CADPS2: variants seen among roughly 807,000 people sequenced by gnomAD.
The protein encoded by CADPS2 is calcium-dependent secretion activator 2.
CADPS2 carries 93 observed loss-of-function variants against 172.5 expected under a neutral mutation model. The ratio of observed to expected loss-of-function variants is 0.54; its 90% confidence interval spans 0.46 to 0.64. CADPS2 has a LOEUF of 0.64. Among genes scored for constraint, CADPS2 ranks in the 30% least tolerant of loss-of-function variants. The pLI is 0.00. For missense variants in CADPS2, 1,420 were observed against 1,565.9 expected (o/e 0.91, Z 1.57); for synonymous variants, 546 against 555.2 (o/e 0.98, Z 0.23).
intron 2 of CADPS2, among the ~76,000 whole-genome samples, chr7:122,713,293 C>T (rs570790730): frequency 1.4e-5 from 1 of 69,824 alleles, no homozygotes; most frequent in African/African-American, 5.5e-5. Context: ...AGCCAGACTG[C>T]CTGAGTTTAA....
chr7:122,487,905 A>G (rs1381264882), intron 11 of CADPS2, among the ~76,000 whole-genome samples: 1 of 152,220 alleles, frequency 6.6e-6, no homozygotes, highest in Non-Finnish European at 1.5e-5. Flanking sequence ...ACATGGATAA[A>G]TTTTAAAAAC....
chr7:122,841,395 T>A (rs1034090806), intron 1 of CADPS2, among the ~76,000 whole-genome samples: 1 of 152,186 alleles, frequency 6.6e-6, no homozygotes. Context: ...GTTTAACATA[T>A]GCTAAATTAG....
At chr7:122,772,759 T>A (rs767107212) in intron 1 of CADPS2, among the ~76,000 whole-genome samples, 6 of 152,266 alleles carry the variant, frequency 3.9e-5, no homozygotes, top group Non-Finnish European at 8.8e-5. Flanking sequence ...TGATGTCAGT[T>A]CTCAAATCCA....
At chr7:122,730,562 C>A (rs1392065514) in intron 2 of CADPS2, among the ~76,000 whole-genome samples, 1 of 151,598 alleles carries the variant, frequency 6.6e-6, no homozygotes, top group African/African-American at 2.4e-5. Flanking sequence ...TACAAGCACA[C>A]AATGATTTAT....
chr7:122,656,430 A>G (rs1020257085), intron 3 of CADPS2, among the ~76,000 whole-genome samples: 7 of 152,104 alleles, frequency 4.6e-5, no homozygotes, highest in African/African-American at 1.7e-4. Flanking sequence ...AAAAGCAAAA[A>G]CAAAAAACAG....
At chr7:122,570,747 A>C (rs1346077480) in intron 7 of CADPS2, among the ~76,000 whole-genome samples, 1 of 151,986 alleles carries the variant, frequency 6.6e-6, no homozygotes, top group African/African-American at 2.4e-5. Context: ...CATGGATGAA[A>C]TTGGAAATCA....
At chr7:122,412,037 C>G (rs1049530189) in intron 19 of CADPS2, among the ~76,000 whole-genome samples, 1 of 152,196 alleles carries the variant, frequency 6.6e-6, no homozygotes, top group African/African-American at 2.4e-5. Flanking sequence ...GTAGAGCATT[C>G]ATGCTCATGC....
intron 9 of CADPS2, among the ~76,000 whole-genome samples, chr7:122,508,627 G>C (rs2130727871): frequency 6.6e-6 from 1 of 151,636 alleles, no homozygotes; most frequent in South Asian, 2.1e-4. Context: ...ATGGCACCTA[G>C]CCTTAGGTAG....
At chr7:122,863,606 T>G (rs898022870) in intron 1 of CADPS2, among the ~76,000 whole-genome samples, 8 of 152,038 alleles carry the variant, frequency 5.3e-5, no homozygotes, top group Non-Finnish European at 7.4e-5. Flanking sequence ...AAAAATAAAG[T>G]TAAAATTACA....
rs534469581 is a variant in CADPS2 at position 122,663,315 on chromosome 7, C to T, written c.708G>A (p.Lys236=). 2.7e-4 allele frequency: 434 copies of T among 1,613,902 alleles called. 3 individuals carry two copies. The South Asian group carries it at 4.5e-3, about 17-fold the overall frequency. Residue 236 remains lysine, a synonymous_variant, in exon 3 of 30, where the codon AAG becomes AAA. Transcript: ENST00000449022. The stretch of plus-strand genomic sequence containing the variant: ...GCTGAAACATTTCATAGAGTTGTTC[C>T]TTGCTCAGAATAAGTTCAGACACTG... The part of the protein sequence containing the change: ...LSAVSELILS[K]EQLYEMFQQI...
At chr7:122,492,088 C>T (rs1249852055) in intron 9 of CADPS2, among the ~76,000 whole-genome samples, 1 of 152,030 alleles carries the variant, frequency 6.6e-6, no homozygotes, top group African/African-American at 2.4e-5. Context: ...AGAAGAATTG[C>T]TTGAACCTGG....
intron 1 of CADPS2, among the ~76,000 whole-genome samples, chr7:122,884,766 T>C (rs1823863352): frequency 6.6e-6 from 1 of 152,262 alleles, no homozygotes; most frequent in African/African-American, 2.4e-5. Context: ...CTTATACACC[T>C]ATGAAACCAC....
chr7:122,446,398 G>A (rs186467307), intron 15 of CADPS2, among the ~76,000 whole-genome samples: 155 of 152,148 alleles, frequency 1.0e-3, no homozygotes, highest in African/African-American at 3.7e-3. Flanking sequence ...TGGCCTATTT[G>A]AATCTTGATT....
chr7:122,477,269 T>G (rs901838055), intron 12 of CADPS2, among the ~76,000 whole-genome samples: 5 of 152,082 alleles, frequency 3.3e-5, no homozygotes, highest in Non-Finnish European at 5.9e-5. Context: ...TCCCAGCACT[T>G]TGGGAGGCCG....
intron 1 of CADPS2, among the ~76,000 whole-genome samples, chr7:122,878,035 A>ATCATGAGG (rs1821702386): frequency 1.3e-5 from 2 of 148,150 alleles, no homozygotes; most frequent in Admixed American, 1.3e-4. Flanking sequence ...GAGGCGGTGG[A>ATCATGAGG]TCATGAGGTC....
intron 20 of CADPS2, among the ~76,000 whole-genome samples, chr7:122,404,300 A>T (rs1051751336): frequency 6.6e-6 from 1 of 152,150 alleles, no homozygotes; most frequent in Non-Finnish European, 1.5e-5. Flanking sequence ...AGCTTCATCC[A>T]TGTCCCTACA....
intron 9 of CADPS2, 63 bp downstream of exon 9, chr7:122,513,186 A>C (rs2060125256): frequency 8.9e-7 from 1 of 1,122,488 alleles, no homozygotes; most frequent in African/African-American, 1.6e-5. Flanking sequence ...GATATAACCC[A>C]CATAAACAAA....
At chr7:122,864,831 G>A (rs575924722) in intron 1 of CADPS2, among the ~76,000 whole-genome samples, 17 of 152,234 alleles carry the variant, frequency 1.1e-4, no homozygotes, top group Non-Finnish European at 2.1e-4. Context: ...TGGCCAAATG[G>A]CTGCTCTAAC....
At chr7:122,593,740 G>C (rs2071285070) in intron 6 of CADPS2, among the ~76,000 whole-genome samples, 1 of 151,788 alleles carries the variant, frequency 6.6e-6, no homozygotes, top group African/African-American at 2.4e-5. Context: ...AAAAGAGAGA[G>C]AGCAATAGAG....
Sources: allele counts gnomAD v4.1 joint callset (sites outside exome capture counted in the v4.1 genomes callset), GRCh38; gene constraint gnomAD v4.1.1; transcripts MANE v1.5; gene names NCBI Gene and HGNC (gene_info 2026-07-23, HGNC 2026-07-21).